ACAA2: variants seen among roughly 807,000 people sequenced by gnomAD.
ACAA2 encodes the protein acetyl-CoA acyltransferase 2.
Under a neutral mutation model 44.8 loss-of-function variants are expected in ACAA2, and 35 were observed. The ratio of observed to expected loss-of-function variants is 0.78; its 90% CI spans 0.60 to 1.04. The LOEUF (loss-of-function observed/expected upper bound fraction) is 1.04. Among genes scored for constraint, ACAA2 ranks in the 50% least tolerant of loss-of-function variants. The pLI, the probability that ACAA2 is intolerant of heterozygous loss-of-function variation, is 0.00. For missense variants in ACAA2, 468 were observed against 482.6 expected (o/e 0.97, Z 0.28); for synonymous variants, 142 against 166.5 (o/e 0.85, Z 1.13).
rs762849309 is a variant in ACAA2, at chr18:49,791,465, C to T, written c.883+5G>A. On this transcript the variant is annotated splice_donor_5th_base_variant and intron_variant, in intron 7 of 9. Coordinates refer to ENST00000285093, the MANE Select transcript of ACAA2 (RefSeq NM_006111.3). Reference sequence around the variant, plus strand: ...TAGAACCAGTTTGTTTTACTATAAACTTACCAATACCCATGATAGAGGGAT... The same window carrying T: ...TAGAACCAGTTTGTTTTACTATAAATTTACCAATACCCATGATAGAGGGAT... The T allele has an allele frequency of 1.2e-6, 2 of 1,609,176 alleles. No individual in the cohort carries two copies. The highest frequency in any genetic ancestry group is 4.5e-5 in the East Asian group (2 of 44,784).
chr18:49,787,386 T>TA lies in ACAA2; in HGVS notation c.884-26dup, dbSNP rs1410784746. On this transcript the variant is annotated intron_variant, in intron 7 of 9. Transcript: ENST00000285093. ...CCTATATAATAATAAAAATCTTCTA[T>TA]AAAAATATAGAAATAAATGTCATCT... 5.3e-5 allele frequency: 71 copies of TA among 1,341,020 alleles called. No individual in the cohort carries two copies. In the East Asian group the frequency reaches 2.1e-3, roughly 39 times the overall value. The allele number at this position is 1,341,020 out of a possible 1,614,324, so 83.1% of individuals were successfully genotyped here.
At chr18:49,793,187 C>T in intron 5 of ACAA2, among the ~76,000 whole-genome samples, 1 of 152,166 alleles carries the variant, frequency 6.6e-6, no homozygotes, top group Non-Finnish European at 1.5e-5. Context: ...GGAGCAATCA[C>T]TAATACAATT....
intron 3 of ACAA2, among the ~76,000 whole-genome samples, chr18:49,796,809 T>A (rs928966956): frequency 6.6e-6 from 1 of 152,116 alleles, no homozygotes; most frequent in Non-Finnish European, 1.5e-5. Flanking sequence ...CTTTAATCAG[T>A]TTCCTTGCCT....
intron 7 of ACAA2, among the ~76,000 whole-genome samples, chr18:49,787,594 G>A (rs2023348569): frequency 6.6e-6 from 1 of 151,982 alleles, no homozygotes; most frequent in South Asian, 2.1e-4. Flanking sequence ...GGAGGCTGAA[G>A]TGGGAGGATC....
chr18:49,793,648 C>T (rs2023431955), intron 5 of ACAA2, among the ~76,000 whole-genome samples: 1 of 152,208 alleles, frequency 6.6e-6, no homozygotes, highest in Non-Finnish European at 1.5e-5. Context: ...TTTCCACTTG[C>T]TTTAACAGTT....
At chr18:49,787,467 A>G in intron 7 of ACAA2, 106 bp from the exon 8 acceptor site, 1 of 792,532 alleles carries the variant, frequency 1.3e-6, no homozygotes, top group Non-Finnish European at 1.8e-6. Context: ...ATAATGCGGC[A>G]GTTATTAGTA....
At position 49,785,241 on chromosome 18, in the gene ACAA2, T is replaced by G; in HGVS notation, c.1065A>C (p.Gly355=). The G allele has an allele frequency of 6.2e-7, 1 of 1,614,130 alleles. No homozygotes were observed. The highest frequency in any genetic ancestry group is 8.5e-7 in the Non-Finnish European group (1 of 1,180,018). Residue 355 remains glycine (G), a synonymous_variant, in exon 9 of 10, where the codon GGA becomes GGC. Transcript: ENST00000285093. ...GGAIALGHPL[G]GSGSRITAHL... is the part of the protein sequence containing the mutation. ...GTGCAGTAATTCTTGATCCAGATCC[T>G]CCCAGTGGGTGACCCAAAGCAATGG...
chr18:49,796,887 A>C (rs1352990599), intron 3 of ACAA2, among the ~76,000 whole-genome samples: 1 of 152,182 alleles, frequency 6.6e-6, no homozygotes. Flanking sequence ...GAGATATTGA[A>C]TGTAAATCTA....
intron 8 of ACAA2, among the ~76,000 whole-genome samples, chr18:49,786,795 C>T (rs187687319): frequency 1.2e-4 from 18 of 152,126 alleles, no homozygotes; most frequent in African/African-American, 4.3e-4. Flanking sequence ...ATTTAAGTTC[C>T]AGTGTCAAAA....
intron 1 of ACAA2, among the ~76,000 whole-genome samples, chr18:49,812,385 A>T (rs2023680485): frequency 7.0e-3 from 1 of 142 alleles, no homozygotes; most frequent in African/African-American, 0.02. Context: ...TCACTCTGTA[A>T]AGTGGCATCA....
rs565724452 is a variant in ACAA2 at position 49,786,585 on chromosome 18, GTTAAATAGATTTCCTT to G, written c.954+690_954+705del. The stretch of plus-strand genomic sequence containing the variant: ...CCTGTGCCTACCCCTTCGCTATCAA[GTTAAATAGATTTCCTT>G]TGTTCTATTAGTTATTTCCCAATGC... On this transcript the variant is annotated intron_variant, in intron 8 of 9. Transcript: ENST00000285093. 1.2e-3 allele frequency: 182 copies of G among 152,276 alleles called. 1 individual carries two copies. The highest frequency in any genetic ancestry group is 4.2e-3 in the African/African-American group (176 of 41,558). 9.4% of individuals were successfully genotyped at this position (152,276 alleles called of 1,614,324 possible).
chr18:49,783,113 T>C lies in ACAA2; in HGVS notation c.*734A>G, dbSNP rs2023285570. Reference sequence around the variant, plus strand: ...ACACAGCAGAATATTATTCAGCCTTTAAAAAGAAGGAAATTCTGACACATG... The same window carrying C: ...ACACAGCAGAATATTATTCAGCCTTCAAAAAGAAGGAAATTCTGACACATG... On this transcript the variant is annotated 3_prime_UTR_variant, in exon 10 of 10. Transcript: ENST00000285093. 6.6e-6 allele frequency: 1 copy of C among 152,190 alleles called. No homozygotes were observed. The highest frequency in any genetic ancestry group is 2.1e-4 in the South Asian group (1 of 4,834). 9.4% of individuals were successfully genotyped at this position (152,190 alleles called of 1,614,324 possible).
At chr18:49,799,562 C>G (rs2023507696) in intron 2 of ACAA2, among the ~76,000 whole-genome samples, 1 of 152,166 alleles carries the variant, frequency 6.6e-6, no homozygotes, top group Non-Finnish European at 1.5e-5. Flanking sequence ...TCTCTGCTCG[C>G]TACAACCTCC....
At chr18:49,796,436 G>A (rs1045147425) in intron 3 of ACAA2, among the ~76,000 whole-genome samples, 1 of 152,118 alleles carries the variant, frequency 6.6e-6, no homozygotes, top group Non-Finnish European at 1.5e-5. Context: ...TAGGAAAACC[G>A]AGGTCACTAT....
rs1322908376 is a variant in ACAA2, at chr18:49,794,417, G to T, written c.440C>A (p.Ser147Tyr). ...KLGSDIKLED[S>Y]LWVSLTDQHV... The stretch of plus-strand genomic sequence containing the variant: ...CTGATCTGTTAATGATACCCATAAA[G>T]AATCTTCCAGCTATTAAAAGACATT... Residue 147 changes from serine to tyrosine, a missense_variant, in exon 5 of 10, where the codon TCT becomes TAT. By Grantham distance (144) the Ser-to-Tyr change is moderately radical. Transcript: ENST00000285093. 6.3e-7 allele frequency: 1 copy of T among 1,585,200 alleles called. No homozygotes were observed. The highest frequency in any genetic ancestry group is 1.4e-5 in the African/African-American group (1 of 73,404).
At chr18:49,809,877 GAAT>G (rs1446766920) in intron 1 of ACAA2, among the ~76,000 whole-genome samples, 1 of 152,184 alleles carries the variant, frequency 6.6e-6, no homozygotes, top group African/African-American at 2.4e-5. Flanking sequence ...GAACTTCAGT[GAAT>G]AATAATATAT....
At position 49,794,364 on chromosome 18, in the gene ACAA2, C is replaced by T. The variant is rs780091058; in HGVS notation, c.493G>A (p.Ala165Thr). Residue 165 changes from alanine (A) to threonine (T), a missense_variant, in exon 5 of 10, where the codon GCA (alanine) becomes ACA (threonine). Ala to Thr is a moderately conservative substitution (Grantham distance 58). Transcript: ENST00000285093. ...QHVQLPMAMTAENLAVKHKIS... is the reference protein window; with the variant it reads ...QHVQLPMAMTTENLAVKHKIS... ...TTGTGTTTTACAGCAAGATTCTCTGCAGTCATTGCCATGGGGAGCTGGACA... is the reference window on the plus strand; with the variant it reads ...TTGTGTTTTACAGCAAGATTCTCTGTAGTCATTGCCATGGGGAGCTGGACA... 2 of 1,611,190 alleles carry T rather than the reference C, an allele frequency of 1.2e-6. No homozygotes were observed. The highest frequency in any genetic ancestry group is 1.1e-5 in the South Asian group (1 of 90,782).
chr18:49,800,311 G>A (rs1225201226), intron 2 of ACAA2, among the ~76,000 whole-genome samples: 11 of 150,496 alleles, frequency 7.3e-5, no homozygotes, highest in East Asian at 6.1e-4. Flanking sequence ...CGCCCCGTCC[G>A]GGAGGTGAGG....
chr18:49,796,790 C>T (rs922957720), intron 3 of ACAA2, among the ~76,000 whole-genome samples: 1 of 152,006 alleles, frequency 6.6e-6, no homozygotes, highest in Admixed American at 6.6e-5. Context: ...GACTGAGTAA[C>T]CTTAATGGCT....
Sources: allele counts gnomAD v4.1 joint callset (sites outside exome capture counted in the v4.1 genomes callset), GRCh38; gene constraint gnomAD v4.1.1; transcripts MANE v1.5; gene names NCBI Gene and HGNC (gene_info 2026-07-23, HGNC 2026-07-21).